Variants in PCDHGB5 observed in about 807,000 individuals in gnomAD.
PCDHGB5 encodes protocadherin gamma-B5.
A neutral mutation model predicts 62.9 loss-of-function variants in PCDHGB5; 48 were observed. That is an observed-to-expected ratio of 0.76 (90% CI 0.61 to 0.97). The LOEUF (loss-of-function observed/expected upper bound fraction) is 0.97. Ranked by LOEUF, PCDHGB5 falls within the 50% of genes least tolerant of loss-of-function variation. The pLI, the probability that PCDHGB5 is intolerant of heterozygous loss-of-function variation, is 0.00. For synonymous variants in PCDHGB5, 474 were observed against 511.2 expected (o/e 0.93, Z 0.98); for missense variants, 1,118 against 1,198.6 (o/e 0.93, Z 0.99).
At chr5:141,430,559 G>C in intron 1 of PCDHGB5, 1 of 418,772 alleles carries the variant, frequency 2.4e-6, no homozygotes. Flanking sequence ...CACCAATCGG[G>C]GAGAGAAAAG....
Position 141,490,320 on chromosome 5 carries a change from A to G in PCDHGB5, c.2398-4487A>G. The G allele has an allele frequency of 6.2e-7, 1 of 1,614,228 alleles. No individual in the cohort carries two copies. The highest frequency in any genetic ancestry group is 1.1e-5 in the South Asian group (1 of 91,088). ...TGGCCTCTTTGGCCAACCCTGTCCT[A>G]GAGAGCACACCAGTGGGCACAGTAG... On this transcript the variant is annotated intron_variant, in intron 1 of 3. Transcript: ENST00000617380. The surrounding 1 kb of genome is among the most constrained non-coding windows in gnomAD (Gnocchi z 5.4).
intron 1 of PCDHGB5, chr5:141,413,787 A>G (rs2095678061): frequency 6.2e-7 from 1 of 1,613,170 alleles, no homozygotes; most frequent in African/African-American, 1.3e-5. Flanking sequence ...AGCACTCCCT[A>G]GATCGCGAGG....
chr5:141,419,618 C>T (rs746617593), intron 1 of PCDHGB5: 3 of 1,612,326 alleles, frequency 1.9e-6, no homozygotes, highest in South Asian at 1.1e-5. Flanking sequence ...GCCAGGCTAC[C>T]TGGTGACCAA....
At chr5:141,478,497 C>T in intron 1 of PCDHGB5, 1 of 1,612,820 alleles carries the variant, frequency 6.2e-7, no homozygotes, top group Non-Finnish European at 8.5e-7. Context: ...AGCTGTGATC[C>T]GGTGTTCTAT....
chr5:141,506,115 T>C (rs1211973354), intron 3 of PCDHGB5, among the ~76,000 whole-genome samples: 1 of 152,062 alleles, frequency 6.6e-6, no homozygotes, highest in Admixed American at 6.5e-5. Context: ...GAAGAGTCAC[T>C]AGGGCCCAGA....
At chr5:141,422,219 C>T in intron 1 of PCDHGB5, 1 of 1,564,678 alleles carries the variant, frequency 6.4e-7, no homozygotes, top group Non-Finnish European at 8.6e-7. Context: ...CTCTTTACCA[C>T]CACGACGATG....
intron 1 of PCDHGB5, chr5:141,433,291 T>C: frequency 9.1e-7 from 1 of 1,094,048 alleles, no homozygotes; most frequent in Non-Finnish European, 1.3e-6. Context: ...ACTCCTAGGC[T>C]CAAGCAATTA....
At chr5:141,415,859 T>C in intron 1 of PCDHGB5, 1 of 1,187,664 alleles carries the variant, frequency 8.4e-7, no homozygotes, top group Non-Finnish European at 1.1e-6. Context: ...CCTTGTAGTT[T>C]ATAGTGTTGT....
At chr5:141,407,453 C>T (rs914537742) in intron 1 of PCDHGB5, among the ~76,000 whole-genome samples, 4 of 148,722 alleles carry the variant, frequency 2.7e-5, no homozygotes, top group Non-Finnish European at 6.0e-5. Flanking sequence ...ACACGAGGCT[C>T]ACCAGACAGA....
intron 1 of PCDHGB5, among the ~76,000 whole-genome samples, chr5:141,457,067 G>A (rs946526462): frequency 1.3e-5 from 2 of 152,166 alleles, no homozygotes; most frequent in Non-Finnish European, 2.9e-5. Flanking sequence ...CTTTTTGCCA[G>A]TAACTATTAT....
At chr5:141,405,377 G>T (rs763495028) in intron 1 of PCDHGB5, 29 of 1,603,350 alleles carry the variant, frequency 1.8e-5, no homozygotes, top group Admixed American at 3.5e-5. Flanking sequence ...TTTGGTTCCG[G>T]TGAGTTCATT....
Position 141,511,669 on chromosome 5 carries a change from T to C in PCDHGB5, c.*496T>C, listed in dbSNP as rs1468492336. 1 of 199,424 alleles carries C rather than the reference T, an allele frequency of 5.0e-6. No individual in the cohort carries two copies. The highest frequency in any genetic ancestry group is 2.3e-5 in the African/African-American group (1 of 43,748). The allele number at this position is 199,424 out of a possible 1,614,324, so 12.4% of individuals were successfully genotyped here. ...TCTTGGCCTCTCCTTTGATTCTCAA[T>C]CTTCCCCCAAAGCATGGTTTGGTGC... On this transcript the variant is annotated 3_prime_UTR_variant, in exon 4 of 4. Coordinates refer to ENST00000617380, the MANE Select transcript of PCDHGB5 (RefSeq NM_018925.3).
At chr5:141,496,249 A>G (rs1385823714) in intron 2 of PCDHGB5, among the ~76,000 whole-genome samples, 1 of 152,078 alleles carries the variant, frequency 6.6e-6, no homozygotes, top group East Asian at 1.9e-4. Context: ...GCTGAAGGGG[A>G]GGGAAACTTC....
At chr5:141,430,771 G>A (rs772862341) in intron 1 of PCDHGB5, 37 of 1,506,734 alleles carry the variant, frequency 2.5e-5, no homozygotes, top group Non-Finnish European at 2.7e-5. Flanking sequence ...TGATTCCTGC[G>A]CGACTGCACC....
intron 1 of PCDHGB5, 23 bp downstream of exon 1, chr5:141,400,547 C>T (rs534226736): frequency 2.5e-6 from 4 of 1,613,676 alleles, no homozygotes; most frequent in Non-Finnish European, 3.4e-6. Context: ...TATGTCTATT[C>T]TTTTTCATTA....
In PCDHGB5 at chr5:141,399,691, C is replaced by A; in HGVS notation, c.1564C>A (p.Arg522Ser). The change falls in exon 1 of 4, where the codon CGC (arginine) becomes AGC (serine). Residue 522 changes from arginine (R) to serine (S), a missense_variant. This residue lies in a region of PCDHGB5 where 1,034 missense variants were observed against 1,029.1 expected (regional missense o/e 1.00). Coordinates refer to ENST00000617380, the MANE Select transcript of PCDHGB5 (RefSeq NM_018925.3). ...AQRAFDYEQL[R>S]TFELTLQARD... ...GCGCGCCTTTGACTACGAGCAGCTG[C>A]GCACCTTCGAACTCACACTACAGGC... is the stretch of plus-strand genomic sequence containing the variant. The A allele has an allele frequency of 6.2e-7, 1 of 1,613,480 alleles. No homozygotes were observed. Among genetic ancestry groups the A allele is most frequent in the Non-Finnish European group, 8.5e-7 (1 of 1,179,876 alleles).
chr5:141,472,339 A>T (rs1330302365), intron 1 of PCDHGB5, among the ~76,000 whole-genome samples: 1 of 151,906 alleles, frequency 6.6e-6, no homozygotes, highest in Non-Finnish European at 1.5e-5. Flanking sequence ...TGGGAGATCG[A>T]GACCATCCTG....
chr5:141,415,740 GT>G (rs57426385), intron 1 of PCDHGB5: 12,894 of 617,008 alleles, frequency 0.021, 1 homozygote, highest in South Asian at 0.027. Flanking sequence ...GTTTATTAAG[GT>G]TTTTTTTTTT....
At chr5:141,455,394 C>T (rs1034564159) in intron 1 of PCDHGB5, among the ~76,000 whole-genome samples, 2 of 152,004 alleles carry the variant, frequency 1.3e-5, no homozygotes, top group African/African-American at 4.8e-5. Context: ...AAGGAGCTCC[C>T]CCTTACAGAG....
Sources: allele counts gnomAD v4.1 joint callset (sites outside exome capture counted in the v4.1 genomes callset), GRCh38; gene constraint gnomAD v4.1.1; regional missense constraint gnomAD v4.1.1; non-coding constraint Gnocchi (gnomAD v3.1); transcripts MANE v1.5; gene names NCBI Gene and HGNC (gene_info 2026-07-23, HGNC 2026-07-21).